Variants in NCOA7 observed in about 807,000 individuals in gnomAD.
NCOA7 encodes the protein 140 kDa estrogen receptor-associated protein.
Under a neutral mutation model 104.3 loss-of-function variants are expected in NCOA7, and 45 were observed. The ratio of observed to expected loss-of-function variants is 0.43; its 90% CI spans 0.34 to 0.55. NCOA7 has a LOEUF of 0.55. NCOA7 is among the 20% of genes least tolerant of loss of function. NCOA7 has a pLI of 0.02. For synonymous variants in NCOA7, 398 were observed against 402.3 expected (o/e 0.99, Z 0.13); for missense variants, 1,041 against 1,119.7 (o/e 0.93, Z 1.00).
At chr6:125,875,541 G>A (rs1044361925) in intron 4 of NCOA7, 1 of 152,256 alleles carries the variant, frequency 6.6e-6, no homozygotes, top group Non-Finnish European at 1.5e-5. Flanking sequence ...AAGAAACAAT[G>A]GCTCCATCAT....
In NCOA7 at chr6:125,881,101, G is replaced by A; in HGVS notation, c.471G>A (p.Val157=). The change falls in exon 6 of 16, where the codon GTG becomes GTA. Residue 157 remains valine (V), a synonymous_variant. Transcript: ENST00000392477. ...HTIVPGQVLF[V]PDANSPSSTL... is the part of the protein sequence containing the mutation. ...TCTCCCATTCTCAGGTCCTTTTTGT[G>A]CCAGATGCCAACTCTCCTTCCAGTA... 1 of 1,613,498 alleles carries A rather than the reference G, an allele frequency of 6.2e-7. No homozygotes were observed. The highest frequency in any genetic ancestry group is 8.5e-7 in the Non-Finnish European group (1 of 1,179,626).
intron 3 of NCOA7, among the ~76,000 whole-genome samples, chr6:125,869,266 G>T (rs946274518): frequency 6.6e-6 from 1 of 152,118 alleles, no homozygotes; most frequent in Non-Finnish European, 1.5e-5. Context: ...TGTTCTTGCT[G>T]GTTTTTCTCA....
At chr6:125,807,106 C>T (rs1268081) in intron 1 of NCOA7, among the ~76,000 whole-genome samples, 2 of 151,986 alleles carry the variant, frequency 1.3e-5, no homozygotes, top group Non-Finnish European at 2.9e-5. Flanking sequence ...ACTGAGCCAC[C>T]GACCTCTCTC....
rs1473024656 is a variant in NCOA7 at position 125,927,560 on chromosome 6, C to T, written c.2524-103C>T. The T allele has an allele frequency of 5.9e-6, 5 of 841,252 alleles. No individual in the cohort carries two copies. In the East Asian group the frequency reaches 1.0e-4, roughly 17 times the overall value. 52.1% of individuals were successfully genotyped at this position (841,252 alleles called of 1,614,324 possible). ...AGTGCCAATTTAGTAATAATCTTTGCTGAAATAGATCTCAGAACATGATGT... is the reference window on the plus strand; with the variant it reads ...AGTGCCAATTTAGTAATAATCTTTGTTGAAATAGATCTCAGAACATGATGT... On this transcript the variant is annotated intron_variant, in intron 13 of 15. Coordinates refer to ENST00000392477, the MANE Select transcript of NCOA7 (RefSeq NM_181782.5).
At position 125,855,099 on chromosome 6, in the gene NCOA7, G is replaced by T. The variant is rs771705852; in HGVS notation, c.130G>T (p.Asp44Tyr). The T allele has an allele frequency of 1.2e-6, 2 of 1,613,252 alleles. No homozygotes were observed. The highest frequency in any genetic ancestry group is 1.7e-6 in the Non-Finnish European group (2 of 1,179,834). ...TACAAGGACTCATACTGGGAAGGAAGATAATAATACAGTAGTTTTAGAGCC... is the reference window on the plus strand; with the variant it reads ...TACAAGGACTCATACTGGGAAGGAATATAATAATACAGTAGTTTTAGAGCC... ...VATRTHTGKE[D>Y]NNTVVLEPDK... is the part of the protein sequence containing the mutation. The change falls in exon 3 of 16, where the codon GAT (aspartate) becomes TAT (tyrosine). Residue 44 changes from aspartate to tyrosine, a missense_variant. This residue lies in a region of NCOA7 where 914 missense variants were observed against 942.7 expected (regional missense o/e 0.97). Transcript: ENST00000392477.
rs76530608 is a variant in NCOA7, at chr6:125,828,804, T to C, written c.50+13400T>C. Among the ~76,000 whole-genome samples the C allele has an allele frequency of 8.0e-3, 1,212 of 152,310 alleles. 12 individuals are homozygous for C. Among genetic ancestry groups the C allele is most frequent in the African/African-American group, 0.028 (1,165 of 41,552 alleles). On this transcript the variant is annotated intron_variant, in intron 2 of 15. Coordinates refer to ENST00000392477, the MANE Select transcript of NCOA7 (RefSeq NM_181782.5). ...GGCACTGTGGGCTCTGTTTTGCTGA[T>C]TGCACACTCATGCTGTGCCAGGAGA...
chr6:125,889,730 C>A lies in NCOA7; in HGVS notation c.1676C>A (p.Thr559Asn). ...ATTGAACCAGGGGGAATAGACATTA[C>A]CCTTAGTAGTTCTCTTTCCCAGGCG... is the stretch of plus-strand genomic sequence containing the variant. ...KSIEPGGIDITLSSSLSQAGD... is the reference protein window; with the variant it reads ...KSIEPGGIDINLSSSLSQAGD... The change falls in exon 9 of 16, where the codon ACC (threonine) becomes AAC (asparagine). Residue 559 changes from threonine to asparagine, a missense_variant. Thr to Asn is a moderately conservative substitution (Grantham distance 65). This residue lies in a region of NCOA7 where 914 missense variants were observed against 942.7 expected (regional missense o/e 0.97). Transcript: ENST00000392477. 1 of 1,613,360 alleles carries A rather than the reference C, an allele frequency of 6.2e-7. No homozygotes were observed. The highest frequency in any genetic ancestry group is 1.1e-5 in the South Asian group (1 of 90,938).
intron 2 of NCOA7, among the ~76,000 whole-genome samples, chr6:125,824,738 T>C (rs1395940809): frequency 6.6e-6 from 1 of 152,066 alleles, no homozygotes; most frequent in Non-Finnish European, 1.5e-5. Context: ...ATTTAAACTG[T>C]CTCCTCTCCT....
At chr6:125,905,823 CAG>C (rs1445155040) in intron 10 of NCOA7, among the ~76,000 whole-genome samples, 8 of 151,098 alleles carry the variant, frequency 5.3e-5, no homozygotes, top group Non-Finnish European at 8.9e-5. Context: ...TTTTTGGAGA[CAG>C]AGTCTTGCTT....
rs1035904381 is a variant in NCOA7, at chr6:125,874,285, G to A, written c.272-604G>A. On this transcript the variant is annotated intron_variant, in intron 3 of 15. Transcript: ENST00000392477. ...GGTTGCAGTGAGCCGAGATCGTGCCGCTGCACTCCAGCCTGGGTGACAGAG... is the reference window on the plus strand; with the variant it reads ...GGTTGCAGTGAGCCGAGATCGTGCCACTGCACTCCAGCCTGGGTGACAGAG... 2.0e-4 allele frequency among the ~76,000 whole-genome samples: 30 copies of A among 152,156 alleles called. 1 individual carries two copies. Among genetic ancestry groups the A allele is most frequent in the Admixed American group, 1.5e-3 (23 of 15,282 alleles).
At chr6:125,784,134 T>C (rs1562739800) in intron 1 of NCOA7, among the ~76,000 whole-genome samples, 1 of 152,272 alleles carries the variant, frequency 6.6e-6, no homozygotes, top group Non-Finnish European at 1.5e-5. Flanking sequence ...CCAATTCATA[T>C]TCAACTATCA....
rs572901501 is a variant in NCOA7 at position 125,928,047 on chromosome 6, G to T, written c.2620-127G>T. 1.7e-5 allele frequency: 15 copies of T among 908,242 alleles called. No homozygotes were observed. In the South Asian group the frequency reaches 2.2e-4, roughly 13 times the overall value. 56.3% of individuals were successfully genotyped at this position (908,242 alleles called of 1,614,324 possible). On this transcript the variant is annotated intron_variant, in intron 14 of 15. Transcript: ENST00000392477. ...ATCCTGGTGTGGGCCAGGTCTGGCA[G>T]TCAGGAACTTCCTCCGTCAATGGGG...
chr6:125,918,696 GT>G (rs1787292282), intron 11 of NCOA7, among the ~76,000 whole-genome samples: 1 of 152,202 alleles, frequency 6.6e-6, no homozygotes, highest in African/African-American at 2.4e-5. Context: ...TCTGCCAACT[GT>G]TTTATAAAAC....
intron 3 of NCOA7, among the ~76,000 whole-genome samples, chr6:125,856,183 A>G (rs1282964576): frequency 6.6e-6 from 1 of 152,096 alleles, no homozygotes; most frequent in Non-Finnish European, 1.5e-5. Context: ...ATTGCTAGGA[A>G]AGGGAGAGAA....
intron 2 of NCOA7, among the ~76,000 whole-genome samples, chr6:125,815,791 T>G (rs1350106340): frequency 6.6e-6 from 1 of 152,234 alleles, no homozygotes; most frequent in African/African-American, 2.4e-5. Flanking sequence ...TTAAAGCTTA[T>G]CACCTTGTGG....
intron 1 of NCOA7, among the ~76,000 whole-genome samples, chr6:125,782,926 A>T (rs1272871410): frequency 1.3e-5 from 2 of 152,318 alleles, no homozygotes; most frequent in African/African-American, 4.8e-5. Context: ...GGCCCCAGTC[A>T]TCACAAGCGT....
chr6:125,904,489 G>A lies in NCOA7; in HGVS notation c.2097-10844G>A, dbSNP rs145003207. Among the ~76,000 whole-genome samples the A allele has an allele frequency of 1.9e-3, 296 of 152,172 alleles. 3 individuals carry two copies. The highest frequency in any genetic ancestry group is 6.8e-3 in the African/African-American group (281 of 41,508). The stretch of plus-strand genomic sequence containing the variant: ...TTGACCTCACTGCAGCATCCCCCTG[G>A]TCTTCCAATGCCATGTCTTTGCATG... On this transcript the variant is annotated intron_variant, in intron 10 of 15. Transcript: ENST00000392477.
intron 1 of NCOA7, among the ~76,000 whole-genome samples, chr6:125,806,295 C>G (rs1447267490): frequency 6.6e-6 from 1 of 152,056 alleles, no homozygotes; most frequent in African/African-American, 2.4e-5. Flanking sequence ...GAGCCGAGAT[C>G]GTGGCACTGC....
At position 125,922,813 on chromosome 6, in the gene NCOA7, C is replaced by T. The variant is rs1332021752; in HGVS notation, c.2502C>T (p.Val834=). ...CACTAGACAGTCCTGTCCTATTGGT[C>T]ATCAAAGATATGGATAATCAGGTGA... ...SASLDSPVLL[V]IKDMDNQIFG... The change falls in exon 13 of 16, where the codon GTC becomes GTT. Residue 834 remains valine, a synonymous_variant. Coordinates refer to ENST00000392477, the MANE Select transcript of NCOA7 (RefSeq NM_181782.5). The T allele has an allele frequency of 6.2e-7, 1 of 1,614,024 alleles. No homozygotes were observed. The highest frequency in any genetic ancestry group is 8.5e-7 in the Non-Finnish European group (1 of 1,179,986).
Sources: gnomAD v4.1 joint callset for allele counts (sites outside exome capture counted in the v4.1 genomes callset) on GRCh38, gnomAD v4.1.1 for gene constraint, gnomAD v4.1.1 regional missense constraint, MANE v1.5 for transcripts, NCBI Gene and HGNC (gene_info 2026-07-23, HGNC 2026-07-21) for gene names.